The following DMPK variants were observed in gnomAD, a reference collection of about 807,000 sequenced individuals.
The protein encoded by DMPK is myotonin-protein kinase.
A neutral mutation model predicts 70.3 loss-of-function variants in DMPK; 32 were observed. The observed-to-expected ratio is 0.46, with a 90% CI of 0.34 to 0.61. The LOEUF (loss-of-function observed/expected upper bound fraction) is 0.61. DMPK is among the 20% of genes least tolerant of loss of function. DMPK has a pLI of 0.01. For synonymous variants in DMPK, 469 were observed against 390.9 expected (o/e 1.20, Z -2.36); for missense variants, 899 against 886.0 (o/e 1.01, Z -0.19).
At position 45,777,079 on chromosome 19, in the gene DMPK, A is replaced by AC. The variant is rs1331389304; in HGVS notation, c.1146+247dup. The AC allele has an allele frequency of 4.1e-6, 2 of 483,776 alleles. No homozygotes were observed. The highest frequency in any genetic ancestry group is 2.0e-5 in the African/African-American group (1 of 50,408). The allele number at this position is 483,776 out of a possible 1,614,324, so 30.0% of individuals were successfully genotyped here. On this transcript the variant is annotated intron_variant, in intron 8 of 14. Coordinates refer to ENST00000291270, the MANE Select transcript of DMPK (RefSeq NM_004409.5). The surrounding 1 kb of genome is among the most constrained non-coding windows in gnomAD (Gnocchi z 6.7). ...TTCCTTGCTGAGTCAGGAGTCCCCC[A>AC]CCCCCTGCACTCCATTGTCTCAGCC... is the stretch of plus-strand genomic sequence containing the variant.
chr19:45,777,568 AC>A lies in DMPK; in HGVS notation c.904del (p.Val302TrpfsTer77). ...HYKEHLSLPL[V>X]DEGVPEEARD... is the part of the protein sequence containing the mutation. ...AGCCTCCTCAGGGACCCCTTCGTCC[AC>A]CAGCGGCAGAGAGAGGTGCTCCTGC... is the stretch of plus-strand genomic sequence containing the variant. On this transcript the variant is annotated frameshift_variant, in exon 8 of 15. Transcript: ENST00000291270. LOFTEE classifies it high-confidence loss of function. This position sits in a 1 kb window ranked among gnomAD's most constrained non-coding sequence, Gnocchi z 6.7. 1 of 1,613,486 alleles carries A rather than the reference AC, an allele frequency of 6.2e-7. No homozygotes were observed. Among genetic ancestry groups the A allele is most frequent in the Non-Finnish European group, 8.5e-7 (1 of 1,179,824 alleles).
Position 45,771,396 on chromosome 19 carries a change from G to C in DMPK, c.1601C>G (p.Ala534Gly), listed in dbSNP as rs1233738662. Reference protein sequence around the residue: ...MELLQAEGATAVTGVPSPRAT... With the variant: ...MELLQAEGATGVTGVPSPRAT... ...CCGGGGACTGGGGACCCCCGTGACA[G>C]CTGGAAGGAGAAGAAAGAGGCATAG... The change falls in exon 13 of 15, where the codon GCT becomes GGT. Residue 534 changes from alanine to glycine, a missense_variant and splice_region_variant. Ala to Gly is a moderately conservative substitution (Grantham distance 60, BLOSUM62 0). Coordinates refer to ENST00000291270, the MANE Select transcript of DMPK (RefSeq NM_004409.5). 2 of 1,607,926 alleles carry C rather than the reference G, an allele frequency of 1.2e-6. No individual in the cohort carries two copies. Among genetic ancestry groups the C allele is most frequent in the Non-Finnish European group, 1.7e-6 (2 of 1,178,168 alleles).
At position 45,772,668 on chromosome 19, in the gene DMPK, C is replaced by A. The variant is rs1285481277; in HGVS notation, c.1317G>T (p.Glu439Asp). The A allele has an allele frequency of 1.1e-5, 17 of 1,539,056 alleles. No homozygotes were observed. The highest frequency in any genetic ancestry group is 1.4e-5 in the Non-Finnish European group (16 of 1,152,390). ...LEPHVQAPSL[E>D]PSVSPQDETA... ...TTTCATCCTGTGGGGACACCGAGGG[C>A]TCCAGGCTGGGCGCTTGCACGTGTG... Residue 439 changes from glutamate to aspartate, a missense_variant, in exon 10 of 15, where the codon GAG becomes GAT. Glu to Asp is a conservative substitution (Grantham distance 45, BLOSUM62 2). This residue lies in a region of DMPK where 555 missense variants were observed against 483.8 expected (regional missense o/e 1.15). Transcript: ENST00000291270.
rs1969244345 is a variant in DMPK at position 45,770,073 on chromosome 19, C to T, written c.*415G>A. 2.0e-6 allele frequency: 1 copy of T among 503,258 alleles called. No homozygotes were observed. Among genetic ancestry groups the T allele is most frequent in the Non-Finnish European group, 3.7e-6 (1 of 271,404 alleles). The allele number at this position is 503,258 out of a possible 1,614,324, so 31.2% of individuals were successfully genotyped here. A position where few individuals can be genotyped will look rare whatever the true frequency, so the allele number is the denominator to read the frequency against. ...ACAAGAAAGCTTTGCACTTTGCGAA[C>T]CAACGATAGGTGGGGGTGCGTGGAG... is the stretch of plus-strand genomic sequence containing the variant. On this transcript the variant is annotated 3_prime_UTR_variant, in exon 15 of 15. Coordinates refer to ENST00000291270, the MANE Select transcript of DMPK (RefSeq NM_004409.5).
chr19:45,781,317 TG>T (rs1435910057), intron 1 of DMPK, among the ~76,000 whole-genome samples: 1 of 151,880 alleles, frequency 6.6e-6, no homozygotes, highest in Non-Finnish European at 1.5e-5. Flanking sequence ...GTCCTGGGCT[TG>T]GGGAGGAGGT....
intron 4 of DMPK, 59 bp downstream of exon 4, chr19:45,779,205 C>T (rs533850058): frequency 1.9e-6 from 3 of 1,548,954 alleles, no homozygotes; most frequent in African/African-American, 1.4e-5. Flanking sequence ...CCCACCTCCT[C>T]GTCCAGTGAC....
Position 45,769,764 on chromosome 19 carries a change from T to C in DMPK, c.*724A>G, listed in dbSNP as rs985362236. 4.3e-5 allele frequency: 7 copies of C among 163,454 alleles called. No individual in the cohort carries two copies. Among genetic ancestry groups the C allele is most frequent in the East Asian group, 4.1e-4 (2 of 4,924 alleles). 10.1% of individuals were successfully genotyped at this position (163,454 alleles called of 1,614,324 possible). On this transcript the variant is annotated 3_prime_UTR_variant, in exon 15 of 15. Transcript: ENST00000291270. ...TATTCGCGAGGGTCGGGGGTGGGGG[T>C]CCTAGGTGGGGACAGACAATAAATA... is the stretch of plus-strand genomic sequence containing the variant.
At chr19:45,772,798 C>A (rs16939) in intron 9 of DMPK, 46 bp from the exon 10 acceptor site, 542,167 of 1,157,910 alleles carry the variant, frequency 0.47, 129,946 homozygotes, top group East Asian at 0.67. Flanking sequence ...AATGCTGATT[C>A]TCTGGTGGAG....
At position 45,777,365 on chromosome 19, in the gene DMPK, C is replaced by T. The variant is rs745922025; in HGVS notation, c.1108G>A (p.Val370Met). The change falls in exon 8 of 15, where the codon GTG (valine) becomes ATG (methionine). Residue 370 changes from valine to methionine, a missense_variant. By Grantham distance (21) the Val-to-Met change is conservative. Around this residue, in one of 3 missense-constraint regions of DMPK, gnomAD observed 555 missense variants for 483.8 expected, o/e 1.15. Coordinates refer to ENST00000291270, the MANE Select transcript of DMPK (RefSeq NM_004409.5). This position sits in a 1 kb window ranked among gnomAD's most constrained non-coding sequence, Gnocchi z 6.7. ...GATDTCNFDLVEDGLTAMVSG... is the reference protein window; with the variant it reads ...GATDTCNFDLMEDGLTAMVSG... ...ACCATGGCAGTGAGCCCGTCCTCCA[C>T]CAAGTCGAAGTTGCATGTGTCGGTG... The T allele has an allele frequency of 9.4e-6, 15 of 1,603,310 alleles. No individual in the cohort carries two copies. The highest frequency in any genetic ancestry group is 4.5e-5 in the East Asian group (2 of 44,752).
At chr19:45,778,316 C>T in intron 5 of DMPK, 96 bp from the exon 6 acceptor site, 1 of 1,394,806 alleles carries the variant, frequency 7.2e-7, no homozygotes, top group Non-Finnish European at 9.9e-7. Context: ...TGGGACCCCA[C>T]TTCCTCGGGT....
rs1442069968 is a variant in DMPK at position 45,777,993 on chromosome 19, G to A, written c.676-120C>T. On this transcript the variant is annotated intron_variant, in intron 6 of 14. Coordinates refer to ENST00000291270, the MANE Select transcript of DMPK (RefSeq NM_004409.5). This position sits in a 1 kb window ranked among gnomAD's most constrained non-coding sequence, Gnocchi z 6.7. ...CTCCCTCTGCCTGGTCTAATACTCC[G>A]CCACACAGATGCACACTTAAGCCTG... The A allele has an allele frequency of 1.6e-5, 20 of 1,223,884 alleles. 1 individual carries two copies. Among genetic ancestry groups the A allele is most frequent in the Middle Eastern group, 3.8e-4 (2 of 5,266 alleles). The allele number at this position is 1,223,884 out of a possible 1,614,324, so 75.8% of individuals were successfully genotyped here.
At chr19:45,778,788 G>A in intron 4 of DMPK, 147 bp from the exon 5 acceptor site, 1 of 859,422 alleles carries the variant, frequency 1.2e-6, no homozygotes. Context: ...GATCTGCCGG[G>A]CCAAATCAGA....
At chr19:45,780,658 G>T in intron 1 of DMPK, 1 of 997,058 alleles carries the variant, frequency 1.0e-6, no homozygotes, top group Non-Finnish European at 1.2e-6. Flanking sequence ...AGAAGTGGAG[G>T]CAGGATGGAG....
Position 45,770,279 on chromosome 19 carries a change from A to C in DMPK, c.*209T>G, listed in dbSNP as rs2146215867. 4 of 720,044 alleles carry C rather than the reference A, an allele frequency of 5.6e-6. No individual in the cohort carries two copies. The highest frequency in any genetic ancestry group is 3.2e-5 in the East Asian group (1 of 30,854). The allele number at this position is 720,044 out of a possible 1,614,324, so 44.6% of individuals were successfully genotyped here. ...AGCAGCAGCAGCATTCCCGGCTACAAGGACCCTTCGAGCCCCGTTCGCCGG... is the reference window on the plus strand; with the variant it reads ...AGCAGCAGCAGCATTCCCGGCTACACGGACCCTTCGAGCCCCGTTCGCCGG... On this transcript the variant is annotated 3_prime_UTR_variant, in exon 15 of 15. Transcript: ENST00000291270.
chr19:45,780,345 T>C, intron 1 of DMPK: 12 of 1,532,222 alleles, frequency 7.8e-6, no homozygotes, highest in Non-Finnish European at 7.9e-6. Flanking sequence ...ATGCAGGTGG[T>C]TCTTGAACCA....
In DMPK at chr19:45,782,079, C is replaced by A. The variant is rs144831190; in HGVS notation, c.160+114G>T. 2.8e-4 allele frequency: 277 copies of A among 986,746 alleles called. 1 individual carries two copies. The East Asian group carries it at 8.0e-3, about 29-fold the overall frequency. The allele number at this position is 986,746 out of a possible 1,614,324, so 61.1% of individuals were successfully genotyped here. A position where few individuals can be genotyped will look rare whatever the true frequency, so the allele number is the denominator to read the frequency against. On this transcript the variant is annotated intron_variant, in intron 1 of 14. Transcript: ENST00000291270. ...ACTCTGAGCCCCAGGATGGGAGGAT[C>A]TCCCCATGCCCATCCTGCCATCCTG...
rs1305960906 is a variant in DMPK at position 45,769,896 on chromosome 19, G to A, written c.*592C>T. The A allele has an allele frequency of 7.2e-6, 2 of 276,602 alleles. No individual in the cohort carries two copies. Among genetic ancestry groups the A allele is most frequent in the Non-Finnish European group, 1.4e-5 (2 of 141,240 alleles). The allele number at this position is 276,602 out of a possible 1,614,324, so 17.1% of individuals were successfully genotyped here. On this transcript the variant is annotated 3_prime_UTR_variant, in exon 15 of 15. Coordinates refer to ENST00000291270, the MANE Select transcript of DMPK (RefSeq NM_004409.5). ...GACGAGGTCAATAAATATCCAAACC[G>A]CCGAAGCGGGCGGAGCCGGCTGGGG...
chr19:45,770,784 T>G, intron 14 of DMPK, 144 bp from the exon 15 acceptor site: 3 of 1,067,628 alleles, frequency 2.8e-6, no homozygotes, highest in Non-Finnish European at 4.0e-6. Context: ...GTTAGTCCAC[T>G]CGCACGCCTC....
At chr19:45,770,698 T>C (rs976044532) in intron 14 of DMPK, 58 bp from the exon 15 acceptor site, 9 of 1,523,284 alleles carry the variant, frequency 5.9e-6, no homozygotes, top group Non-Finnish European at 7.1e-6. Flanking sequence ...CTCCTGGGAC[T>C]CGCCCCGCCT....
Sources: allele counts gnomAD v4.1 joint callset (sites outside exome capture counted in the v4.1 genomes callset), GRCh38; gene constraint gnomAD v4.1.1; regional missense constraint gnomAD v4.1.1; non-coding constraint Gnocchi (gnomAD v3.1); transcripts MANE v1.5; gene names NCBI Gene and HGNC (gene_info 2026-07-23, HGNC 2026-07-21).